The following DYRK1A variants were observed in gnomAD, a reference collection of about 807,000 sequenced individuals.
DYRK1A encodes the protein dual specificity tyrosine-phosphorylation-regulated kinase 1A.
In DYRK1A, 9 loss-of-function variants were observed where a neutral mutation model predicts 79.7. That is an observed-to-expected ratio of 0.11 (90% CI 0.07 to 0.20). The LOEUF is 0.20. DYRK1A is among the 10% of genes least tolerant of loss of function. The pLI is 1.00. For synonymous variants in DYRK1A, 349 were observed against 329.7 expected, an observed-to-expected ratio of 1.06 and a Z score of -0.63; for missense variants, 622 against 956.0, an observed-to-expected ratio of 0.65 and a Z score of 4.61.
At chr21:37,453,822 T>A (rs1452733582) in intron 2 of DYRK1A, among the ~76,000 whole-genome samples, 1 of 152,196 alleles carries the variant, frequency 6.6e-6, no homozygotes, top group Non-Finnish European at 1.5e-5. Flanking sequence ...CCTCTTTTTT[T>A]ACGTACAAAA....
intron 2 of DYRK1A, among the ~76,000 whole-genome samples, chr21:37,457,298 A>G (rs976416714): frequency 1.1e-4 from 16 of 151,846 alleles, no homozygotes; most frequent in Non-Finnish European, 1.6e-4. Flanking sequence ...AGGGGCACGG[A>G]CTCGGCTCAC....
chr21:37,424,016 A>G (rs1319984879), intron 2 of DYRK1A, among the ~76,000 whole-genome samples: 1 of 152,142 alleles, frequency 6.6e-6, no homozygotes, highest in Non-Finnish European at 1.5e-5. Flanking sequence ...TATTCATTAT[A>G]CAAGAGTTAG....
intron 1 of DYRK1A, among the ~76,000 whole-genome samples, chr21:37,397,327 G>A (rs2049975783): frequency 6.6e-6 from 1 of 152,146 alleles, no homozygotes. Context: ...AAGAATTAAT[G>A]TAATTAATGG....
intron 1 of DYRK1A, among the ~76,000 whole-genome samples, chr21:37,397,948 C>T (rs1211964990): frequency 1.1e-4 from 16 of 151,794 alleles, no homozygotes. Flanking sequence ...TTTAAAAGTA[C>T]CGTAAAAGAC....
intron 2 of DYRK1A, among the ~76,000 whole-genome samples, chr21:37,464,601 CATT>C (rs1285071167): frequency 1.3e-5 from 2 of 152,166 alleles, no homozygotes; most frequent in Non-Finnish European, 2.9e-5. Context: ...TAAATTATAA[CATT>C]ATCTGATGTT....
At chr21:37,483,860 G>A (rs1001971793) in intron 5 of DYRK1A, among the ~76,000 whole-genome samples, 3 of 152,052 alleles carry the variant, frequency 2.0e-5, no homozygotes, top group African/African-American at 4.8e-5. Context: ...TGAGATTATA[G>A]GCCTGAGCCA....
Position 37,367,611 on chromosome 21 carries a change from C to A in DYRK1A, c.-94C>A, listed in dbSNP as rs988579749. The A allele has an allele frequency of 2.0e-5, 3 of 146,974 alleles. No individual in the cohort carries two copies. The highest frequency in any genetic ancestry group is 4.5e-5 in the Non-Finnish European group (3 of 65,984). 9.1% of individuals were successfully genotyped at this position (146,974 alleles called of 1,614,324 possible). Reference sequence around the variant, plus strand: ...GACTCACCGGAGGAAGCGGCGCGAGCGCCCCGCCATCGTCCCGGTGAGTGT... The same window carrying A: ...GACTCACCGGAGGAAGCGGCGCGAGAGCCCCGCCATCGTCCCGGTGAGTGT... On this transcript the variant is annotated 5_prime_UTR_variant, in exon 1 of 12. Transcript: ENST00000647188.
chr21:37,390,744 A>G (rs146935875), intron 1 of DYRK1A, among the ~76,000 whole-genome samples: 1 of 151,866 alleles, frequency 6.6e-6, no homozygotes, highest in East Asian at 1.9e-4. Context: ...AATTTTTTGT[A>G]TTTTTAGTAG....
chr21:37,410,688 C>G (rs1027477217), intron 1 of DYRK1A: 1 of 152,344 alleles, frequency 6.6e-6, no homozygotes, highest in Non-Finnish European at 1.5e-5. Context: ...CCACCATACT[C>G]GGCTCATTTT....
intron 2 of DYRK1A, among the ~76,000 whole-genome samples, chr21:37,439,702 A>G (rs1169735201): frequency 1.3e-5 from 2 of 152,208 alleles, no homozygotes; most frequent in Non-Finnish European, 2.9e-5. Context: ...ACTGTCCTCC[A>G]TGAAACCAGT....
chr21:37,478,057 C>A, intron 3 of DYRK1A, 151 bp from the exon 4 acceptor site: 1 of 1,044,282 alleles, frequency 9.6e-7, no homozygotes, highest in Non-Finnish European at 1.4e-6. Context: ...TGAAAGGGAA[C>A]TTTGAGAGAG....
intron 1 of DYRK1A, among the ~76,000 whole-genome samples, chr21:37,402,914 C>A (rs142234944): frequency 2.2e-4 from 34 of 152,212 alleles, no homozygotes; most frequent in African/African-American, 7.7e-4. Flanking sequence ...CAGGTATGCA[C>A]CACTATGCCT....
intron 2 of DYRK1A, among the ~76,000 whole-genome samples, chr21:37,426,034 C>T (rs900849521): frequency 6.6e-6 from 1 of 152,180 alleles, no homozygotes; most frequent in South Asian, 2.1e-4. Context: ...TCCCCATGAA[C>T]TCTCAAAACC....
Position 37,519,389 on chromosome 21 carries a change from T to A in DYRK1A, c.*6858T>A, listed in dbSNP as rs2053912528. On this transcript the variant is annotated 3_prime_UTR_variant, in exon 12 of 12. Coordinates refer to ENST00000647188, the MANE Select transcript of DYRK1A (RefSeq NM_001347721.2). ...AAGGATTACTGTCCGCTTTGTACAATGGAGATACCTATAGTGTCCACTTAG... is the reference window on the plus strand; with the variant it reads ...AAGGATTACTGTCCGCTTTGTACAAAGGAGATACCTATAGTGTCCACTTAG... 6.6e-6 allele frequency: 1 copy of A among 152,230 alleles called. No homozygotes were observed. The allele number at this position is 152,230 out of a possible 1,614,324, so 9.4% of individuals were successfully genotyped here. A position where few individuals can be genotyped will look rare whatever the true frequency, so the allele number is the denominator to read the frequency against.
chr21:37,444,089 G>T (rs2051191088), intron 2 of DYRK1A, among the ~76,000 whole-genome samples: 1 of 152,062 alleles, frequency 6.6e-6, no homozygotes, highest in African/African-American at 2.4e-5. Flanking sequence ...CCTTTCTTCT[G>T]CTTCTCTTTC....
intron 2 of DYRK1A, among the ~76,000 whole-genome samples, chr21:37,431,343 T>G (rs1292902209): frequency 6.6e-6 from 1 of 152,166 alleles, no homozygotes; most frequent in Non-Finnish European, 1.5e-5. Context: ...TGAATTCTGG[T>G]AGTATGTTTT....
At chr21:37,442,260 G>C (rs1173867342) in intron 2 of DYRK1A, among the ~76,000 whole-genome samples, 1 of 152,020 alleles carries the variant, frequency 6.6e-6, no homozygotes, top group Non-Finnish European at 1.5e-5. Flanking sequence ...GTTTTTATCA[G>C]ATTTGGAAGA....
chr21:37,366,629 A>G (rs970875530), upstream of DYRK1A, among the ~76,000 whole-genome samples: 1 of 151,076 alleles, frequency 6.6e-6, no homozygotes, highest in African/African-American at 2.4e-5. Flanking sequence ...TTGGCTGGGG[A>G]CAGAGGGGGA....
At chr21:37,398,063 C>A (rs1329514650) in intron 1 of DYRK1A, among the ~76,000 whole-genome samples, 1 of 44,334 alleles carries the variant, frequency 2.3e-5, no homozygotes, top group Non-Finnish European at 4.9e-5. Context: ...AAGACCTCAT[C>A]TCTTAAAAAA....
Sources: gnomAD v4.1 joint callset for allele counts (sites outside exome capture counted in the v4.1 genomes callset) on GRCh38, gnomAD v4.1.1 for gene constraint, MANE v1.5 for transcripts, NCBI Gene and HGNC (gene_info 2026-07-23, HGNC 2026-07-21) for gene names.